The following SLC4A4 variants were observed in gnomAD, a reference collection of about 807,000 sequenced individuals.
The protein encoded by SLC4A4 is solute carrier family 4 member 4, also known as electrogenic sodium bicarbonate cotransporter 1.
Under a neutral mutation model 111.5 loss-of-function variants are expected in SLC4A4, and 27 were observed. The observed-to-expected ratio is 0.24, with a 90% CI of 0.18 to 0.33. SLC4A4 has a LOEUF of 0.33. Among genes scored for constraint, SLC4A4 ranks in the 10% least tolerant of loss-of-function variants. The pLI is 1.00. For missense variants in SLC4A4, 909 were observed against 1,315.5 expected, an observed-to-expected ratio of 0.69 and a Z score of 4.78; for synonymous variants, 443 against 463.4, an observed-to-expected ratio of 0.96 and a Z score of 0.57.
At chr4:71,559,674 T>C (rs1736787458) in intron 22 of SLC4A4, among the ~76,000 whole-genome samples, 1 of 151,888 alleles carries the variant, frequency 6.6e-6, no homozygotes, top group South Asian at 2.1e-4. Flanking sequence ...ATATGTGTCG[T>C]ACAGATTTTC....
chr4:71,100,835 C>T (rs763689007), intron 2 of SLC4A4, among the ~76,000 whole-genome samples: 51 of 152,140 alleles, frequency 3.4e-4, no homozygotes, highest in Non-Finnish European at 6.8e-4. Flanking sequence ...GAAGACAGTC[C>T]CATTCACAAT....
chr4:71,338,496 G>T (rs1728607902), intron 3 of SLC4A4, among the ~76,000 whole-genome samples: 1 of 151,266 alleles, frequency 6.6e-6, no homozygotes, highest in Non-Finnish European at 1.5e-5. Context: ...ATTTCCAACT[G>T]CTTTTCTTTC....
intron 12 of SLC4A4, among the ~76,000 whole-genome samples, chr4:71,455,854 C>T (rs1331380214): frequency 6.6e-6 from 1 of 152,056 alleles, no homozygotes; most frequent in Non-Finnish European, 1.5e-5. Context: ...TTGATCCCTC[C>T]TAGATGGATG....
chr4:71,311,316 C>A (rs1228316501), intron 3 of SLC4A4, among the ~76,000 whole-genome samples: 1 of 152,096 alleles, frequency 6.6e-6, no homozygotes, highest in East Asian at 1.9e-4. Context: ...ATATTCACAA[C>A]TTGAACTCAG....
chr4:71,489,479 G>T (rs10805087), intron 15 of SLC4A4, among the ~76,000 whole-genome samples: 86,749 of 151,296 alleles, frequency 0.57, 27,449 homozygotes, highest in Non-Finnish European at 0.73. Context: ...GGTACTGTGA[G>T]TGTCAACTTA....
At position 71,208,442 on chromosome 4, in the gene SLC4A4, A is replaced by AT. The variant is rs1446594365; in HGVS notation, c.-2+21041_-2+21042insT. On this transcript the variant is annotated intron_variant, in intron 1 of 25. Coordinates refer to ENST00000264485, the MANE Select transcript of SLC4A4 (RefSeq NM_001098484.3). ...TGAGACTCCGTCTCAAAAAAAAAAA[A>AT]AATATATATATATATAATAAAACAA... 2.1e-3 allele frequency among the ~76,000 whole-genome samples: 295 copies of AT among 137,414 alleles called. 3 individuals are homozygous for AT. The highest frequency in any genetic ancestry group is 6.4e-3 in the African/African-American group (216 of 33,762). 90.1% of individuals were successfully genotyped at this position (137,414 alleles called of 152,430 possible).
chr4:71,083,309 T>C (rs575858534), intron 1 of SLC4A4, among the ~76,000 whole-genome samples: 1 of 152,164 alleles, frequency 6.6e-6, no homozygotes, highest in South Asian at 2.1e-4. Context: ...TTTTTAGTTT[T>C]TTTTCCATGT....
At chr4:71,526,216 C>G (rs536685886) in intron 16 of SLC4A4, among the ~76,000 whole-genome samples, 7 of 151,994 alleles carry the variant, frequency 4.6e-5, no homozygotes, top group Non-Finnish European at 1.0e-4. Flanking sequence ...AATCAATTTC[C>G]TTGACTGTGA....
chr4:71,080,356 C>G (rs1741959409), intron 1 of SLC4A4, among the ~76,000 whole-genome samples: 1 of 151,982 alleles, frequency 6.6e-6, no homozygotes, highest in Non-Finnish European at 1.5e-5. Flanking sequence ...CTGATGGGAC[C>G]CCTTAAGCCA....
chr4:71,256,716 A>G (rs1049595259), intron 3 of SLC4A4, among the ~76,000 whole-genome samples: 2 of 152,222 alleles, frequency 1.3e-5, no homozygotes. Context: ...CTTAAAATGC[A>G]CATAAACATG....
intron 6 of SLC4A4, among the ~76,000 whole-genome samples, chr4:71,388,473 A>G (rs757171531): frequency 5.9e-5 from 9 of 152,074 alleles, no homozygotes; most frequent in Admixed American, 6.6e-5. Context: ...TTATTAATGT[A>G]TGTGTTTGTG....
At position 71,430,128 on chromosome 4, in the gene SLC4A4, G is replaced by T. The variant is rs537253281; in HGVS notation, c.808-10488G>T. 5.3e-5 allele frequency among the ~76,000 whole-genome samples: 8 copies of T among 152,128 alleles called. No homozygotes were observed. The East Asian group carries it at 1.5e-3, about 29-fold the overall frequency. On this transcript the variant is annotated intron_variant, in intron 7 of 25. Transcript: ENST00000264485. ...TTTGACTTAGAGAAGAACCTTTTTT[G>T]AACTCTGTTACTAGGTGTGATTGGT... is the stretch of plus-strand genomic sequence containing the variant.
At chr4:71,562,424 A>G (rs1737071099) in intron 23 of SLC4A4, among the ~76,000 whole-genome samples, 2 of 151,718 alleles carry the variant, frequency 1.3e-5, no homozygotes, top group South Asian at 4.1e-4. Context: ...TGAGGGTTAC[A>G]GCTATAATAT....
At chr4:71,546,621 A>G (rs1228490570) in intron 19 of SLC4A4, 93 bp downstream of exon 19, 5 of 1,056,488 alleles carry the variant, frequency 4.7e-6, no homozygotes, top group African/African-American at 3.1e-5. Context: ...TGGAGGAGAC[A>G]GGGCTTGTGA....
intron 3 of SLC4A4, among the ~76,000 whole-genome samples, chr4:71,310,505 C>T (rs1396964383): frequency 1.3e-5 from 2 of 152,302 alleles, no homozygotes; most frequent in South Asian, 4.1e-4. Flanking sequence ...AGAAACCCTA[C>T]AAGCCAGAAG....
intron 3 of SLC4A4, among the ~76,000 whole-genome samples, chr4:71,298,315 C>G (rs1724969604): frequency 6.6e-6 from 1 of 152,104 alleles, no homozygotes; most frequent in South Asian, 2.1e-4. Context: ...CACGGGTGTG[C>G]TAATTTCATC....
At chr4:71,427,432 A>G (rs544317070) in intron 7 of SLC4A4, among the ~76,000 whole-genome samples, 16 of 152,170 alleles carry the variant, frequency 1.1e-4, no homozygotes, top group African/African-American at 3.4e-4. Context: ...TGTTTTTTAA[A>G]TGGATTCCAT....
intron 7 of SLC4A4, among the ~76,000 whole-genome samples, chr4:71,423,229 C>A (rs1488805151): frequency 2.0e-5 from 3 of 152,078 alleles, no homozygotes; most frequent in Middle Eastern, 3.2e-3. Context: ...GAGTGAACTC[C>A]CATTAACAAT....
chr4:71,244,773 C>CT (rs11440449), intron 2 of SLC4A4, among the ~76,000 whole-genome samples: 132,661 of 146,052 alleles, frequency 0.91, 60,911 homozygotes, highest in Non-Finnish European at 0.98. Context: ...ATGGACCATG[C>CT]TTTTTTTTTT....
Sources: gnomAD v4.1 joint callset for allele counts (sites outside exome capture counted in the v4.1 genomes callset) on GRCh38, gnomAD v4.1.1 for gene constraint, MANE v1.5 for transcripts, NCBI Gene and HGNC (gene_info 2026-07-23, HGNC 2026-07-21) for gene names.